Variants in PRPF6 observed in about 807,000 individuals in gnomAD.
The protein encoded by PRPF6 is pre-mRNA-processing factor 6.
Under a neutral mutation model 118.3 loss-of-function variants are expected in PRPF6, and 42 were observed. The observed-to-expected ratio is 0.35, with a 90% CI of 0.28 to 0.46. PRPF6 has a LOEUF of 0.46. Ranked by LOEUF, PRPF6 falls within the 20% of genes least tolerant of loss-of-function variation. The pLI is 1.00. For synonymous variants in PRPF6, 481 were observed against 485.1 expected, an observed-to-expected ratio of 0.99 and a Z score of 0.11; for missense variants, 662 against 1,255.7, an observed-to-expected ratio of 0.53 and a Z score of 7.15.
At chr20:63,984,133 T>C (rs2059083414) in intron 2 of PRPF6, among the ~76,000 whole-genome samples, 1 of 152,122 alleles carries the variant, frequency 6.6e-6, no homozygotes, top group South Asian at 2.1e-4. Flanking sequence ...ATAATTTTAG[T>C]TTTGAGGCCA....
At chr20:64,022,606 C>A in intron 12 of PRPF6, 151 bp from the exon 13 acceptor site, 1 of 1,244,424 alleles carries the variant, frequency 8.0e-7, no homozygotes, top group Non-Finnish European at 1.1e-6. Context: ...CCGCACCTGG[C>A]CTGGATTGTG....
rs552307244 is a variant in PRPF6, at chr20:63,989,347, A to G, written c.360-4060A>G. 3.3e-5 allele frequency among the ~76,000 whole-genome samples: 5 copies of G among 152,248 alleles called. No individual in the cohort carries two copies. In the East Asian group the frequency reaches 7.7e-4, roughly 23 times the overall value. On this transcript the variant is annotated intron_variant, in intron 3 of 20. Coordinates refer to ENST00000266079, the MANE Select transcript of PRPF6 (RefSeq NM_012469.4). ...TTCTTGAGTAATACCCCACAAGCAC[A>G]GGCAACGAACGGAAGCCAGGTGTGG...
chr20:64,032,906 C>T lies in PRPF6; in HGVS notation c.2739C>T (p.Cys913=), dbSNP rs745590087. 17 of 1,613,240 alleles carry T rather than the reference C, an allele frequency of 1.1e-5. No homozygotes were observed. Among genetic ancestry groups the T allele is most frequent in the South Asian group, 6.6e-5 (6 of 91,076 alleles). The stretch of plus-strand genomic sequence containing the variant: ...AGCCTCGGCATGGGGAGCTGTGGTG[C>T]GCCGTGTCCAAGGACATCGCCAACT... The part of the protein sequence containing the change: ...SAEPRHGELW[C]AVSKDIANWQ... The change falls in exon 21 of 21, where the codon TGC becomes TGT. Residue 913 remains cysteine (C), a synonymous_variant. Coordinates refer to ENST00000266079, the MANE Select transcript of PRPF6 (RefSeq NM_012469.4).
Position 64,022,757 on chromosome 20 carries a change from T to A in PRPF6, c.1648T>A (p.Cys550Ser). Residue 550 changes from cysteine to serine, a missense_variant and splice_region_variant, in exon 13 of 21, where the codon TGT becomes AGT. Physicochemically the swap from Cys to Ser is moderately radical, Grantham distance 112. Transcript: ENST00000266079. Reference protein sequence around the residue: ...KHTWMEDADSCVAHNALECAR... With the variant: ...KHTWMEDADSSVAHNALECAR... ...ATTCTCATGTCTCTCTCTGCTCTAGTGTGTAGCCCACAATGCCCTGGAGTG... is the reference window on the plus strand; with the variant it reads ...ATTCTCATGTCTCTCTCTGCTCTAGAGTGTAGCCCACAATGCCCTGGAGTG... 1 of 1,614,068 alleles carries A rather than the reference T, an allele frequency of 6.2e-7. No homozygotes were observed. The highest frequency in any genetic ancestry group is 1.6e-4 in the Middle Eastern group (1 of 6,062).
At chr20:64,032,515 A>C (rs1009681719) in intron 20 of PRPF6, among the ~76,000 whole-genome samples, 1 of 152,186 alleles carries the variant, frequency 6.6e-6, no homozygotes, top group Non-Finnish European at 1.5e-5. Context: ...CTCCCTGGAA[A>C]GTGTTGCCAG....
rs368642529 is a variant in PRPF6 at position 64,029,193 on chromosome 20, C to T, written c.2432-184C>T. On this transcript the variant is annotated intron_variant, in intron 18 of 20. Transcript: ENST00000266079. The surrounding 1 kb of genome is among the most constrained non-coding windows in gnomAD (Gnocchi z 4.8). The stretch of plus-strand genomic sequence containing the variant: ...TGTCCAGTCTGTGCCCTCAGGGCTG[C>T]CATGGTTTTGGGTGGGCCAGAGTGC... Among the ~76,000 whole-genome samples the T allele has an allele frequency of 2.1e-3, 324 of 152,206 alleles. 12 individuals are homozygous for T. In the South Asian group the frequency reaches 0.057, roughly 27 times the overall value.
At chr20:63,989,443 G>GA (rs1403271121) in intron 3 of PRPF6, among the ~76,000 whole-genome samples, 4 of 151,812 alleles carry the variant, frequency 2.6e-5, no homozygotes, top group Non-Finnish European at 4.4e-5. Flanking sequence ...TCTCAAAAAG[G>GA]AAAAAAATAA....
At position 64,027,576 on chromosome 20, in the gene PRPF6, A is replaced by C; in HGVS notation, c.2206-27A>C. On this transcript the variant is annotated intron_variant, in intron 16 of 20. Transcript: ENST00000266079. The surrounding 1 kb of genome is among the most constrained non-coding windows in gnomAD (Gnocchi z 6.5). ...CCCAGTTCTTCATAGACACCACCTG[A>C]GCTGCTCTCTTACTTGTTGGTTGCA... The C allele has an allele frequency of 5.0e-6, 8 of 1,613,934 alleles. No individual in the cohort carries two copies. The highest frequency in any genetic ancestry group is 6.8e-6 in the Non-Finnish European group (8 of 1,179,992).
At chr20:64,005,169 C>A (rs1041003827) in intron 9 of PRPF6, among the ~76,000 whole-genome samples, 8 of 152,170 alleles carry the variant, frequency 5.3e-5, no homozygotes, top group African/African-American at 1.7e-4. Flanking sequence ...CTTCCGAAAG[C>A]ACCTGGGGAA....
At chr20:64,016,683 AT>A (rs750343423) in intron 11 of PRPF6, 39 bp from the exon 12 acceptor site, 2 of 1,612,806 alleles carry the variant, frequency 1.2e-6, no homozygotes, top group Admixed American at 1.7e-5. Flanking sequence ...TGCAGCTCTG[AT>A]TTCCAAAATC....
In PRPF6 at chr20:63,999,040, C is replaced by T. The variant is rs538583645; in HGVS notation, c.772-5C>T. On this transcript the variant is annotated splice_polypyrimidine_tract_variant and splice_region_variant and intron_variant, in intron 6 of 20. Coordinates refer to ENST00000266079, the MANE Select transcript of PRPF6 (RefSeq NM_012469.4). The stretch of plus-strand genomic sequence containing the variant: ...AGCTGACTCTTAGCTTGGCCTGTCT[C>T]ACAGGTGTCTGACTCCGTGAGTGGA... 6.8e-6 allele frequency: 11 copies of T among 1,612,100 alleles called. No homozygotes were observed. The highest frequency in any genetic ancestry group is 9.3e-6 in the Non-Finnish European group (11 of 1,178,828).
In PRPF6 at chr20:64,011,214, G is replaced by A; in HGVS notation, c.1306-71G>A. The A allele has an allele frequency of 1.4e-6, 2 of 1,443,442 alleles. No homozygotes were observed. The highest frequency in any genetic ancestry group is 3.5e-5 in the Admixed American group (2 of 56,800). 89.4% of individuals were successfully genotyped at this position (1,443,442 alleles called of 1,614,324 possible). A position where few individuals can be genotyped will look rare whatever the true frequency, so the allele number is the denominator to read the frequency against. On this transcript the variant is annotated intron_variant, in intron 10 of 20. Transcript: ENST00000266079. This position sits in a 1 kb window ranked among gnomAD's most constrained non-coding sequence, Gnocchi z 6.7. ...CGTGGTGGCCAACGCTGGAGGGTGG[G>A]TCGCTGTCTGGCCTGCAGCTGTCCC...
At chr20:64,023,132 A>G (rs2059273883) in intron 13 of PRPF6, among the ~76,000 whole-genome samples, 1 of 152,220 alleles carries the variant, frequency 6.6e-6, no homozygotes, top group East Asian at 1.9e-4. Context: ...CGTCCTGCTA[A>G]GTGTCCTGTA....
Position 64,026,015 on chromosome 20 carries a change from G to A in PRPF6, c.1985G>A (p.Arg662Gln). The A allele has an allele frequency of 1.2e-6, 2 of 1,611,188 alleles. No homozygotes were observed. Among genetic ancestry groups the A allele is most frequent in the Non-Finnish European group, 1.7e-6 (2 of 1,179,994 alleles). The change falls in exon 15 of 21, where the codon CGG becomes CAG. Residue 662 changes from arginine (R) to glutamine (Q), a missense_variant. This residue lies in a region of PRPF6 where 244 missense variants were observed against 383.7 expected (regional missense o/e 0.64). Coordinates refer to ENST00000266079, the MANE Select transcript of PRPF6 (RefSeq NM_012469.4). This position sits in a 1 kb window ranked among gnomAD's most constrained non-coding sequence, Gnocchi z 4.4. Reference sequence around the variant, plus strand: ...GAGAATGATGAGTACGAGCGGGCCCGGAGGCTGCTGGCCAAGGCGCGGAGC... The same window carrying A: ...GAGAATGATGAGTACGAGCGGGCCCAGAGGCTGCTGGCCAAGGCGCGGAGC... ...ESENDEYERA[R>Q]RLLAKARSSA...
rs757310178 is a variant in PRPF6, at chr20:64,027,242, G to T, written c.2205+84G>T. On this transcript the variant is annotated intron_variant, in intron 16 of 20. Coordinates refer to ENST00000266079, the MANE Select transcript of PRPF6 (RefSeq NM_012469.4). This position sits in a 1 kb window ranked among gnomAD's most constrained non-coding sequence, Gnocchi z 6.5. ...CCCTGGTGCAGGGTCATTGCCCTTC[G>T]CCTCTGAGGAGATGTGGAGGGCTGG... The T allele has an allele frequency of 2.6e-6, 4 of 1,523,702 alleles. No individual in the cohort carries two copies. The African/African-American group carries it at 4.1e-5, about 16-fold the overall frequency. 94.4% of individuals were successfully genotyped at this position (1,523,702 alleles called of 1,614,324 possible). A position where few individuals can be genotyped will look rare whatever the true frequency, so the allele number is the denominator to read the frequency against.
chr20:63,991,415 G>A (rs932726940), intron 3 of PRPF6, among the ~76,000 whole-genome samples: 2 of 152,002 alleles, frequency 1.3e-5, no homozygotes, highest in Non-Finnish European at 2.9e-5. Context: ...GACCAAGGCC[G>A]TGTCTCTAAA....
intron 19 of PRPF6, among the ~76,000 whole-genome samples, chr20:64,031,306 A>C (rs2059312735): frequency 6.6e-6 from 1 of 152,236 alleles, no homozygotes; most frequent in Non-Finnish European, 1.5e-5. Flanking sequence ...ATTTTGTGTC[A>C]GGTTTAGTTT....
At chr20:64,008,845 G>A (rs962266909) in intron 9 of PRPF6, among the ~76,000 whole-genome samples, 63 of 152,148 alleles carry the variant, frequency 4.1e-4, no homozygotes, top group African/African-American at 1.5e-3. Context: ...GTATTTCATG[G>A]GTTTGAATAC....
chr20:64,016,938 T>A, intron 12 of PRPF6, 93 bp downstream of exon 12: 68 of 1,390,014 alleles, frequency 4.9e-5, no homozygotes, highest in Non-Finnish European at 6.0e-5. Flanking sequence ...ATTTTAAAAC[T>A]CTTTTTTTTT....
Sources: gnomAD v4.1 joint callset for allele counts (sites outside exome capture counted in the v4.1 genomes callset) on GRCh38, gnomAD v4.1.1 for gene constraint, gnomAD v4.1.1 regional missense constraint, Gnocchi (gnomAD v3.1) non-coding constraint, MANE v1.5 for transcripts, NCBI Gene and HGNC (gene_info 2026-07-23, HGNC 2026-07-21) for gene names.